Variants in NR2F1-AS1 observed in about 807,000 individuals in gnomAD.
NR2F1-AS1 encodes NR2F1 antisense RNA 1.
At chr5:93,467,861 T>C (rs1291431322) in intron 4 of NR2F1-AS1, among the ~76,000 whole-genome samples, 1 of 152,188 alleles carries the variant, frequency 6.6e-6, no homozygotes, top group East Asian at 1.9e-4. Context: ...CCTGTGTCCA[T>C]GTGTTCTTAT....
At chr5:93,450,324 T>A (rs1380933741) in intron 4 of NR2F1-AS1, among the ~76,000 whole-genome samples, 1 of 152,214 alleles carries the variant, frequency 6.6e-6, no homozygotes, top group Admixed American at 6.5e-5. Context: ...CATAAAAAGT[T>A]TATTTTATAA....
chr5:93,578,490 A>G (rs1034268172), intron 1 of NR2F1-AS1, among the ~76,000 whole-genome samples: 2 of 152,014 alleles, frequency 1.3e-5, no homozygotes, highest in African/African-American at 4.8e-5. Flanking sequence ...CCGGGAGCCC[A>G]GGCCCCGGCA....
At chr5:93,513,351 G>A (rs1751339598) in intron 4 of NR2F1-AS1, among the ~76,000 whole-genome samples, 1 of 152,050 alleles carries the variant, frequency 6.6e-6, no homozygotes, top group Admixed American at 6.6e-5. Flanking sequence ...CTACCAAAAA[G>A]ACACATGTAC....
intron 2 of NR2F1-AS1, among the ~76,000 whole-genome samples, chr5:93,558,360 G>A (rs761349752): frequency 1.4e-5 from 2 of 144,106 alleles, no homozygotes; most frequent in Non-Finnish European, 3.0e-5. Flanking sequence ...TTGCTCTATC[G>A]CCCAGGCTGG....
chr5:93,560,680 A>G (rs1041504467), intron 2 of NR2F1-AS1, among the ~76,000 whole-genome samples: 3 of 152,246 alleles, frequency 2.0e-5, no homozygotes, highest in Middle Eastern at 3.2e-3. Context: ...TAAAATATAC[A>G]TCTCAAAAAT....
At chr5:93,438,888 T>C (rs1436614501) in intron 4 of NR2F1-AS1, 1 of 152,160 alleles carries the variant, frequency 6.6e-6, no homozygotes, top group Non-Finnish European at 1.5e-5. Flanking sequence ...ACTGCCAGAG[T>C]TCCTTTCTTC....
At chr5:93,413,355 C>T (rs1172385373) in intron 4 of NR2F1-AS1, among the ~76,000 whole-genome samples, 1 of 152,020 alleles carries the variant, frequency 6.6e-6, no homozygotes, top group Non-Finnish European at 1.5e-5. Context: ...AATCAAGTTA[C>T]CCAACTCAGT....
chr5:93,448,963 G>A (rs1180628409), intron 4 of NR2F1-AS1, among the ~76,000 whole-genome samples: 1 of 152,174 alleles, frequency 6.6e-6, no homozygotes, highest in Non-Finnish European at 1.5e-5. Context: ...ATCACAGTAG[G>A]TAGGTAGCTT....
At chr5:93,526,263 T>C (rs1030285922) in intron 4 of NR2F1-AS1, among the ~76,000 whole-genome samples, 1 of 152,140 alleles carries the variant, frequency 6.6e-6, no homozygotes, top group African/African-American at 2.4e-5. Context: ...AAGAAATGGG[T>C]AAATTGCTCG....
intron 4 of NR2F1-AS1, among the ~76,000 whole-genome samples, chr5:93,430,426 C>G (rs1749286440): frequency 6.6e-6 from 1 of 152,180 alleles, no homozygotes. Flanking sequence ...CTAAAAGATG[C>G]TGCCCCAAGG....
intron 4 of NR2F1-AS1, among the ~76,000 whole-genome samples, chr5:93,442,862 C>G (rs576681495): frequency 6.6e-6 from 1 of 152,220 alleles, no homozygotes; most frequent in Non-Finnish European, 1.5e-5. Flanking sequence ...AAGGATCAGG[C>G]AGCAACATTT....
At chr5:93,518,134 C>T (rs1751433907) in intron 4 of NR2F1-AS1, among the ~76,000 whole-genome samples, 1 of 151,924 alleles carries the variant, frequency 6.6e-6, no homozygotes, top group Non-Finnish European at 1.5e-5. Flanking sequence ...CAAAAGACCT[C>T]CACAATATAT....
chr5:93,535,725 A>G (rs1751825101), intron 4 of NR2F1-AS1, among the ~76,000 whole-genome samples: 2 of 152,188 alleles, frequency 1.3e-5, no homozygotes, highest in African/African-American at 4.8e-5. Context: ...ACAGAAAGAC[A>G]GACAAAAACT....
At chr5:93,510,063 T>C (rs984427377) in intron 4 of NR2F1-AS1, among the ~76,000 whole-genome samples, 4 of 152,124 alleles carry the variant, frequency 2.6e-5, no homozygotes, top group Non-Finnish European at 4.4e-5. Flanking sequence ...GTTATTTTAC[T>C]TAGATTGTAA....
intron 4 of NR2F1-AS1, chr5:93,409,859 T>C (rs933580646): frequency 2.0e-5 from 3 of 152,198 alleles, no homozygotes; most frequent in African/African-American, 4.8e-5. Context: ...AAGATGGAAA[T>C]AGCACTTACA....
intron 2 of NR2F1-AS1, among the ~76,000 whole-genome samples, chr5:93,556,983 T>A (rs1326601248): frequency 6.6e-6 from 1 of 152,202 alleles, no homozygotes; most frequent in Admixed American, 6.5e-5. Flanking sequence ...ATCAAAAAAA[T>A]ATCTTGCTAT....
At chr5:93,481,435 A>G (rs557785207) in intron 4 of NR2F1-AS1, among the ~76,000 whole-genome samples, 64 of 152,240 alleles carry the variant, frequency 4.2e-4, no homozygotes, top group South Asian at 6.2e-4. Context: ...TATAATTAGG[A>G]TAATAATTGG....
intron 4 of NR2F1-AS1, among the ~76,000 whole-genome samples, chr5:93,529,431 T>C (rs1751688937): frequency 6.6e-6 from 1 of 152,160 alleles, no homozygotes; most frequent in East Asian, 1.9e-4. Flanking sequence ...TTGGTAATCA[T>C]CTTAATTGAA....
intron 4 of NR2F1-AS1, among the ~76,000 whole-genome samples, chr5:93,521,905 T>C (rs974683734): frequency 3.3e-5 from 5 of 152,186 alleles, no homozygotes; most frequent in African/African-American, 1.2e-4. Flanking sequence ...GACACATGCA[T>C]GTGGCTGTTC....
Sources: gnomAD v4.1 joint callset for allele counts (sites outside exome capture counted in the v4.1 genomes callset) on GRCh38, gnomAD v4.1.1 for gene constraint, MANE v1.5 for transcripts, NCBI Gene and HGNC (gene_info 2026-07-23, HGNC 2026-07-21) for gene names.